The following PDXK variants were observed in gnomAD, a reference collection of about 807,000 sequenced individuals.
The protein encoded by PDXK is pyridoxal kinase.
Under a neutral mutation model 43.2 loss-of-function variants are expected in PDXK, and 15 were observed. That is an observed-to-expected ratio of 0.35 (90% CI 0.23 to 0.53). The LOEUF is 0.53. Among genes scored for constraint, PDXK ranks in the 20% least tolerant of loss-of-function variants. PDXK has a pLI of 0.92. For synonymous variants in PDXK, 172 were observed against 165.4 expected, an observed-to-expected ratio of 1.04 and a Z score of -0.31; for missense variants, 343 against 417.0, an observed-to-expected ratio of 0.82 and a Z score of 1.54.
intron 1 of PDXK, chr21:43,728,888 G>A (rs975862221): frequency 2.0e-6 from 2 of 985,578 alleles, no homozygotes; most frequent in Non-Finnish European, 2.4e-6. Flanking sequence ...GGAGGAAGTT[G>A]CGACCCTTTC....
Position 43,734,469 on chromosome 21 carries a change from G to A in PDXK, c.142+346G>A, listed in dbSNP as rs1188548950. ...CCGTGAGGTTGCCAGAGTTGATTAC[G>A]TCACTTGCATAAAATGCTTGGACCA... On this transcript the variant is annotated intron_variant, in intron 2 of 10. Coordinates refer to ENST00000291565, the MANE Select transcript of PDXK (RefSeq NM_003681.5). This position sits in a 1 kb window ranked among gnomAD's most constrained non-coding sequence, Gnocchi z 5.0. 2.0e-5 allele frequency among the ~76,000 whole-genome samples: 3 copies of A among 152,202 alleles called. No homozygotes were observed. Among genetic ancestry groups the A allele is most frequent in the Non-Finnish European group, 4.4e-5 (3 of 68,026 alleles).
In PDXK at chr21:43,757,616, C is replaced by G. The variant is rs1349651585; in HGVS notation, c.*1553C>G. 1 of 152,208 alleles carries G rather than the reference C, an allele frequency of 6.6e-6. No individual in the cohort carries two copies. The highest frequency in any genetic ancestry group is 1.5e-5 in the Non-Finnish European group (1 of 68,048). 9.4% of individuals were successfully genotyped at this position (152,208 alleles called of 1,614,324 possible). A position where few individuals can be genotyped will look rare whatever the true frequency, so the allele number is the denominator to read the frequency against. ...GCAGGTTTATATGGAACCCCCACCC[C>G]CTCCCCCACTCTCCCACTCTGTTCG... On this transcript the variant is annotated 3_prime_UTR_variant, in exon 11 of 11. Coordinates refer to ENST00000291565, the MANE Select transcript of PDXK (RefSeq NM_003681.5).
intron 1 of PDXK, chr21:43,721,566 G>A (rs2147199570): frequency 6.6e-6 from 1 of 152,416 alleles, no homozygotes; most frequent in Admixed American, 6.5e-5. Context: ...CAAAGCAGGT[G>A]TCTCCACATC....
At chr21:43,749,121 T>C in intron 6 of PDXK, 41 bp downstream of exon 6, 1 of 1,294,018 alleles carries the variant, frequency 7.7e-7, no homozygotes, top group Non-Finnish European at 1.1e-6. Flanking sequence ...TATTTATTTT[T>C]CAAGATGGGT....
At chr21:43,725,579 G>A (rs1361276800) in intron 1 of PDXK, among the ~76,000 whole-genome samples, 1 of 152,098 alleles carries the variant, frequency 6.6e-6, no homozygotes, top group African/African-American at 2.4e-5. Flanking sequence ...GGAGGCTGAG[G>A]TGGGTGGATC....
intron 2 of PDXK, 81 bp from the exon 3 acceptor site, chr21:43,741,586 G>T (rs181075470): frequency 7.6e-6 from 12 of 1,575,688 alleles, no homozygotes; most frequent in Admixed American, 5.7e-5. Context: ...GCCTCAGGGA[G>T]AGTGGGCGGG....
intron 1 of PDXK, among the ~76,000 whole-genome samples, chr21:43,721,120 C>A (rs2083203455): frequency 6.6e-6 from 1 of 152,196 alleles, no homozygotes; most frequent in Non-Finnish European, 1.5e-5. Context: ...ATGTCCAAGC[C>A]CGGCTGGACA....
chr21:43,719,652 T>C, intron 1 of PDXK: 1 of 985,410 alleles, frequency 1.0e-6, no homozygotes, highest in Non-Finnish European at 1.2e-6. Flanking sequence ...GCACCAGCTA[T>C]GGCGCAGCCG....
At position 43,759,692 on chromosome 21, in the gene PDXK, C is replaced by G. The variant is rs553737090; in HGVS notation, c.*3629C>G. On this transcript the variant is annotated 3_prime_UTR_variant, in exon 11 of 11. Coordinates refer to ENST00000291565, the MANE Select transcript of PDXK (RefSeq NM_003681.5). ...AGACAGGGAAACGAGAACTTTGGAC[C>G]TGGCTTTCTGAGTCCAGGTGAGAGC... is the stretch of plus-strand genomic sequence containing the variant. The G allele has an allele frequency of 2.8e-4, 43 of 152,694 alleles. No homozygotes were observed. The highest frequency in any genetic ancestry group is 1.0e-3 in the African/African-American group (43 of 41,574). 9.5% of individuals were successfully genotyped at this position (152,694 alleles called of 1,614,324 possible).
chr21:43,730,211 C>T (rs1342741301), intron 1 of PDXK, among the ~76,000 whole-genome samples: 3 of 152,182 alleles, frequency 2.0e-5, no homozygotes, highest in Non-Finnish European at 2.9e-5. Context: ...CTGCAACCTC[C>T]GCCTCCCAGG....
chr21:43,733,718 G>C, intron 1 of PDXK: 3 of 1,081,892 alleles, frequency 2.8e-6, no homozygotes, highest in Non-Finnish European at 3.5e-6. Flanking sequence ...TATTGCCTTC[G>C]TTTTATTGTT....
intron 1 of PDXK, among the ~76,000 whole-genome samples, chr21:43,730,403 G>A (rs1458717146): frequency 2.6e-5 from 4 of 152,162 alleles, no homozygotes. Context: ...TGGGATTACA[G>A]GCGTGAGCCA....
In PDXK at chr21:43,755,768, C is replaced by G. The variant is rs568224218; in HGVS notation, c.826+4C>G. On this transcript the variant is annotated splice_donor_region_variant and intron_variant, in intron 10 of 10. Coordinates refer to ENST00000291565, the MANE Select transcript of PDXK (RefSeq NM_003681.5). ...AGGACCATCCAGTGTGCAAAAGGTA[C>G]GGCGGCCGGGCTGCATGGGCTGCGT... 1.9e-6 allele frequency: 3 copies of G among 1,612,866 alleles called. No homozygotes were observed. Among genetic ancestry groups the G allele is most frequent in the South Asian group, 2.2e-5 (2 of 91,062 alleles).
At chr21:43,743,218 C>T (rs59021049) in intron 3 of PDXK, among the ~76,000 whole-genome samples, 13 of 68,510 alleles carry the variant, frequency 1.9e-4, no homozygotes, top group African/African-American at 2.9e-4. Context: ...CTCCCCCCGC[C>T]CCCAGCACTG....
Position 43,755,602 on chromosome 21 carries a change from G to A in PDXK, c.760-96G>A, listed in dbSNP as rs564541371. 1,266 of 1,035,108 alleles carry A rather than the reference G, an allele frequency of 1.2e-3. 14 individuals carry two copies. The highest frequency in any genetic ancestry group is 0.01 in the South Asian group (813 of 78,582). 64.1% of individuals were successfully genotyped at this position (1,035,108 alleles called of 1,614,324 possible). ...TCCCCGGTGGCTCGGAGAGCAGGAC[G>A]GCCCTTGTGTTCCCTGGAAATCCCC... On this transcript the variant is annotated intron_variant, in intron 9 of 10. Coordinates refer to ENST00000291565, the MANE Select transcript of PDXK (RefSeq NM_003681.5).
intron 1 of PDXK, chr21:43,719,998 G>A: frequency 3.5e-6 from 3 of 853,918 alleles, no homozygotes; most frequent in Non-Finnish European, 4.2e-6. Flanking sequence ...CTAGCAGAGC[G>A]GCATCCCTGC....
intron 1 of PDXK, among the ~76,000 whole-genome samples, chr21:43,729,490 G>A (rs1010218152): frequency 6.6e-6 from 1 of 152,176 alleles, no homozygotes; most frequent in Admixed American, 6.5e-5. Context: ...CAGAGTGGTG[G>A]GCGACCCAGC....
Position 43,754,824 on chromosome 21 carries a change from C to G in PDXK, c.760-874C>G, listed in dbSNP as rs534126112. Among the ~76,000 whole-genome samples, 13 of 152,206 alleles carry G rather than the reference C, an allele frequency of 8.5e-5. No individual in the cohort carries two copies. In the South Asian group the frequency reaches 2.3e-3, roughly 27 times the overall value. On this transcript the variant is annotated intron_variant, in intron 9 of 10. Transcript: ENST00000291565. The surrounding 1 kb of genome is among the most constrained non-coding windows in gnomAD (Gnocchi z 5.5). ...CGGGCCGCTTAAGGGGCCACGTGTC[C>G]CCCGGGGTACACCTCCTCCCCAACA...
At chr21:43,730,901 G>A (rs1464664063) in intron 1 of PDXK, among the ~76,000 whole-genome samples, 5 of 152,204 alleles carry the variant, frequency 3.3e-5, no homozygotes, top group Non-Finnish European at 7.3e-5. Flanking sequence ...GCTGTAGTGA[G>A]CTATGATTGT....
Sources: allele counts gnomAD v4.1 joint callset (sites outside exome capture counted in the v4.1 genomes callset), GRCh38; gene constraint gnomAD v4.1.1; non-coding constraint Gnocchi (gnomAD v3.1); transcripts MANE v1.5; gene names NCBI Gene and HGNC (gene_info 2026-07-23, HGNC 2026-07-21).